Variants in UMAD1 observed in about 807,000 individuals in gnomAD.
UMAD1 encodes UBAP1-MVB12-associated (UMA)-domain containing protein 1.
In UMAD1, 8 loss-of-function variants were observed where a neutral mutation model predicts 6.1. The ratio of observed to expected loss-of-function variants is 1.30; its 90% confidence interval spans 0.76 to 2.35. The LOEUF (loss-of-function observed/expected upper bound fraction) is 2.35. UMAD1 is among the 30% of genes most tolerant of loss of function. The probability of loss-of-function intolerance (pLI) is 0.00; values close to 1 mark genes in which losing one functional copy is unlikely to be tolerated. For synonymous variants in UMAD1, 56 were observed against 31.4 expected, an observed-to-expected ratio of 1.78 and a Z score of -2.61; for missense variants, 130 against 78.4, an observed-to-expected ratio of 1.66 and a Z score of -2.49.
Position 7,830,054 on chromosome 7 carries a change from C to T in UMAD1, c.156+28311C>T, listed in dbSNP as rs780382772. ...CCTTTCTGGTCTATTCTTTACACAGCACTAGAGTTTTCTACTTTAAAAAAG... is the reference window on the plus strand; with the variant it reads ...CCTTTCTGGTCTATTCTTTACACAGTACTAGAGTTTTCTACTTTAAAAAAG... On this transcript the variant is annotated intron_variant, in intron 3 of 3. Coordinates refer to ENST00000682710, the MANE Select transcript of UMAD1 (RefSeq NM_001302348.2). This position sits in a 1 kb window ranked among gnomAD's most constrained non-coding sequence, Gnocchi z 5.3. Among the ~76,000 whole-genome samples the T allele has an allele frequency of 6.6e-6, 1 of 152,154 alleles. No homozygotes were observed. Among genetic ancestry groups the T allele is most frequent in the Non-Finnish European group, 1.5e-5 (1 of 68,022 alleles).
At chr7:7,867,554 A>G (rs1011121948) in intron 3 of UMAD1, among the ~76,000 whole-genome samples, 2 of 152,216 alleles carry the variant, frequency 1.3e-5, no homozygotes, top group Non-Finnish European at 2.9e-5. Context: ...CAAAGTGGTC[A>G]TTTCAGATTA....
intron 2 of UMAD1, among the ~76,000 whole-genome samples, chr7:7,723,029 A>C (rs1032216423): frequency 2.8e-5 from 2 of 72,378 alleles, no homozygotes; most frequent in Non-Finnish European, 5.3e-5. Context: ...CTGAGGCAAC[A>C]GTGATGGCCT....
chr7:7,716,318 T>A (rs1780902081), intron 2 of UMAD1, among the ~76,000 whole-genome samples: 1 of 152,204 alleles, frequency 6.6e-6, no homozygotes, highest in South Asian at 2.1e-4. Flanking sequence ...AACTTCAAAG[T>A]GATACAGGAG....
At chr7:7,761,388 TA>T (rs1243664726) in intron 2 of UMAD1, among the ~76,000 whole-genome samples, 5 of 100,602 alleles carry the variant, frequency 5.0e-5, no homozygotes, top group Non-Finnish European at 1.0e-4. Flanking sequence ...ACCACTTCTT[TA>T]AGACATTTTA....
chr7:7,799,087 T>G (rs899118249), intron 2 of UMAD1, among the ~76,000 whole-genome samples: 7 of 152,218 alleles, frequency 4.6e-5, no homozygotes, highest in Non-Finnish European at 1.5e-5. Context: ...TGCTTATTTA[T>G]TTTTATAGTA....
At chr7:7,865,007 G>T (rs886201949) in intron 3 of UMAD1, among the ~76,000 whole-genome samples, 29 of 152,178 alleles carry the variant, frequency 1.9e-4, no homozygotes, top group African/African-American at 6.8e-4. Flanking sequence ...GTCCCGGAAG[G>T]GGTGTGGGAG....
At position 7,872,357 on chromosome 7, in the gene UMAD1, C is replaced by T. The variant is rs1020509037; in HGVS notation, c.157-4924C>T. ...CTTAATTAAAAGTATACTGAGCTGT[C>T]TCAGGGAAGTCTGAGGAGAGGCAGA... On this transcript the variant is annotated intron_variant, in intron 3 of 3. Coordinates refer to ENST00000682710, the MANE Select transcript of UMAD1 (RefSeq NM_001302348.2). Among the ~76,000 whole-genome samples the T allele has an allele frequency of 2.0e-5, 3 of 152,136 alleles. No homozygotes were observed. In the East Asian group the frequency reaches 5.8e-4, roughly 29 times the overall value.
At position 7,878,198 on chromosome 7, in the gene UMAD1, C is replaced by G. The variant is rs1350417704; in HGVS notation, c.*660C>G. On this transcript the variant is annotated 3_prime_UTR_variant, in exon 4 of 4. Coordinates refer to ENST00000682710, the MANE Select transcript of UMAD1 (RefSeq NM_001302348.2). The stretch of plus-strand genomic sequence containing the variant: ...TAATCGTTGTGTTCCCACCTTTGTT[C>G]TCTGCCTTTTTGCTACTTCAGTGTG... The G allele has an allele frequency of 6.6e-6, 1 of 152,344 alleles. No homozygotes were observed. Among genetic ancestry groups the G allele is most frequent in the Non-Finnish European group, 1.5e-5 (1 of 68,132 alleles). The allele number at this position is 152,344 out of a possible 1,614,324, so 9.4% of individuals were successfully genotyped here. A position where few individuals can be genotyped will look rare whatever the true frequency, so the allele number is the denominator to read the frequency against.
At chr7:7,814,018 T>A (rs1316468058) in intron 3 of UMAD1, among the ~76,000 whole-genome samples, 3 of 152,034 alleles carry the variant, frequency 2.0e-5, no homozygotes, top group Non-Finnish European at 4.4e-5. Context: ...GGAGTCTCGC[T>A]CTGTTGCCAG....
In UMAD1 at chr7:7,647,940, A is replaced by C. The variant is rs561477795; in HGVS notation, c.-64+7119A>C. Among the ~76,000 whole-genome samples, 10 of 152,240 alleles carry C rather than the reference A, an allele frequency of 6.6e-5. No homozygotes were observed. The South Asian group carries it at 2.1e-3, about 32-fold the overall frequency. Reference sequence around the variant, plus strand: ...GTTTTTGTTGTTGTTGTTTGCTACTATTATAGACGTGCCAGCTGTGTTTTG... The same window carrying C: ...GTTTTTGTTGTTGTTGTTTGCTACTCTTATAGACGTGCCAGCTGTGTTTTG... On this transcript the variant is annotated intron_variant, in intron 1 of 3. Coordinates refer to ENST00000682710, the MANE Select transcript of UMAD1 (RefSeq NM_001302348.2).
chr7:7,714,726 C>T (rs192529374), intron 2 of UMAD1, among the ~76,000 whole-genome samples: 196 of 152,204 alleles, frequency 1.3e-3, no homozygotes, highest in African/African-American at 4.3e-3. Context: ...CAGCTGAAAA[C>T]CTTCCTGGGG....
chr7:7,778,609 T>A (rs1387499642), intron 2 of UMAD1, among the ~76,000 whole-genome samples: 2 of 151,956 alleles, frequency 1.3e-5, no homozygotes, highest in East Asian at 3.9e-4. Context: ...AGAGATGAGG[T>A]CTCGCTCTGT....
In UMAD1 at chr7:7,878,563, C is replaced by G. The variant is rs1784467385; in HGVS notation, c.*1025C>G. The G allele has an allele frequency of 6.6e-6, 1 of 152,078 alleles. No homozygotes were observed. The highest frequency in any genetic ancestry group is 2.4e-5 in the African/African-American group (1 of 41,414). The allele number at this position is 152,078 out of a possible 1,614,324, so 9.4% of individuals were successfully genotyped here. On this transcript the variant is annotated 3_prime_UTR_variant, in exon 4 of 4. Transcript: ENST00000682710. ...AACAGAACTGCCATTGGTCAATAAACTGTAAAGGGAAGAGGTAAATTGTGA... is the reference window on the plus strand; with the variant it reads ...AACAGAACTGCCATTGGTCAATAAAGTGTAAAGGGAAGAGGTAAATTGTGA...
At chr7:7,813,139 G>A (rs770095942) in intron 3 of UMAD1, among the ~76,000 whole-genome samples, 1 of 152,172 alleles carries the variant, frequency 6.6e-6, no homozygotes, top group Non-Finnish European at 1.5e-5. Flanking sequence ...CTTTAGCTTA[G>A]TACAATTTAC....
chr7:7,663,015 C>T (rs13236936), intron 1 of UMAD1, among the ~76,000 whole-genome samples: 10 of 18,342 alleles, frequency 5.5e-4, no homozygotes, highest in African/African-American at 1.7e-3. Flanking sequence ...TTGAAAAAGC[C>T]TTTTTTGCCT....
chr7:7,727,694 C>T (rs1370079747), intron 2 of UMAD1, among the ~76,000 whole-genome samples: 11 of 152,132 alleles, frequency 7.2e-5, no homozygotes. Context: ...GGCAGGAAAA[C>T]GTGAAAAGGC....
chr7:7,875,110 A>C (rs1299403716), intron 3 of UMAD1, among the ~76,000 whole-genome samples: 1 of 152,202 alleles, frequency 6.6e-6, no homozygotes, highest in Non-Finnish European at 1.5e-5. Flanking sequence ...TTACAGTCTA[A>C]GAATTTGTCA....
chr7:7,686,497 T>C (rs982148712), intron 2 of UMAD1, among the ~76,000 whole-genome samples: 1 of 152,202 alleles, frequency 6.6e-6, no homozygotes, highest in Non-Finnish European at 1.5e-5. Context: ...TTGAGAATTA[T>C]CTTTTAATGA....
At chr7:7,807,932 C>G (rs1221678335) in intron 3 of UMAD1, among the ~76,000 whole-genome samples, 1 of 152,032 alleles carries the variant, frequency 6.6e-6, no homozygotes, top group East Asian at 1.9e-4. Context: ...AAGATATTAT[C>G]ACCTAAAATA....
Sources: gnomAD v4.1 joint callset for allele counts (sites outside exome capture counted in the v4.1 genomes callset) on GRCh38, gnomAD v4.1.1 for gene constraint, Gnocchi (gnomAD v3.1) non-coding constraint, MANE v1.5 for transcripts, NCBI Gene and HGNC (gene_info 2026-07-23, HGNC 2026-07-21) for gene names.